The following UNC5D variants were observed in gnomAD, a reference collection of about 807,000 sequenced individuals.
UNC5D encodes unc-5 netrin receptor D.
Under a neutral mutation model 105.4 loss-of-function variants are expected in UNC5D, and 39 were observed. That is an observed-to-expected ratio of 0.37 (90% CI 0.29 to 0.48). The LOEUF is 0.48. Ranked by LOEUF, UNC5D falls within the 20% of genes least tolerant of loss-of-function variation. The pLI is 0.98. For missense variants in UNC5D, 991 were observed against 1,202.4 expected, an observed-to-expected ratio of 0.82 and a Z score of 2.60; for synonymous variants, 452 against 450.4, an observed-to-expected ratio of 1.00 and a Z score of -0.04.
Position 35,510,086 on chromosome 8 carries a change from G to A in UNC5D, c.104-39206G>A, listed in dbSNP as rs142928698. Among the ~76,000 whole-genome samples the A allele has an allele frequency of 7.6e-3, 1,155 of 152,042 alleles. 5 individuals carry two copies. Among genetic ancestry groups the A allele is most frequent in the Middle Eastern group, 0.024 (7 of 292 alleles). ...AGGCTACCAGAATCCAGTCCTTTGG[G>A]GTTTTAATGGAAACTTCATTACTAG... On this transcript the variant is annotated intron_variant, in intron 1 of 16. Transcript: ENST00000404895.
intron 1 of UNC5D, among the ~76,000 whole-genome samples, chr8:35,379,658 C>T (rs1317338623): frequency 6.6e-6 from 1 of 152,064 alleles, no homozygotes; most frequent in Non-Finnish European, 1.5e-5. Context: ...TCTCCCTGGA[C>T]TCTCTGTGGC....
intron 9 of UNC5D, among the ~76,000 whole-genome samples, chr8:35,723,467 C>T (rs1406047594): frequency 6.6e-6 from 1 of 152,170 alleles, no homozygotes; most frequent in Non-Finnish European, 1.5e-5. Context: ...TGCAGTGGTG[C>T]AATCATAGCT....
intron 2 of UNC5D, among the ~76,000 whole-genome samples, chr8:35,557,948 A>G (rs1323913289): frequency 6.6e-6 from 1 of 152,044 alleles, no homozygotes; most frequent in Admixed American, 6.6e-5. Flanking sequence ...CCTGGTCAAC[A>G]AGGTGAAACC....
At chr8:35,309,780 A>T (rs1808734659) in intron 1 of UNC5D, among the ~76,000 whole-genome samples, 1 of 152,188 alleles carries the variant, frequency 6.6e-6, no homozygotes, top group African/African-American at 2.4e-5. Flanking sequence ...TGCAGATTCC[A>T]AGGTTCTATC....
intron 1 of UNC5D, among the ~76,000 whole-genome samples, chr8:35,309,046 A>G (rs1808664883): frequency 6.6e-6 from 1 of 152,112 alleles, no homozygotes; most frequent in South Asian, 2.1e-4. Context: ...GGTGCCTTCC[A>G]GAAAAACTGT....
chr8:35,367,814 A>G (rs769846331), intron 1 of UNC5D, among the ~76,000 whole-genome samples: 10 of 152,146 alleles, frequency 6.6e-5, no homozygotes, highest in South Asian at 2.1e-4. Flanking sequence ...AAATGAGTCA[A>G]ACCAGTTAAT....
At chr8:35,276,214 G>A (rs1248041101) in intron 1 of UNC5D, among the ~76,000 whole-genome samples, 2 of 152,162 alleles carry the variant, frequency 1.3e-5, no homozygotes, top group African/African-American at 4.8e-5. Flanking sequence ...ACAGCAGTAA[G>A]CTTGCCCTCT....
intron 16 of UNC5D, among the ~76,000 whole-genome samples, chr8:35,783,022 G>C (rs1156620221): frequency 6.6e-6 from 1 of 151,820 alleles, no homozygotes; most frequent in African/African-American, 2.4e-5. Flanking sequence ...GCTCACCTGT[G>C]GTCCTAGCTA....
intron 4 of UNC5D, among the ~76,000 whole-genome samples, chr8:35,652,115 G>C (rs560554078): frequency 1.6e-4 from 25 of 152,116 alleles, no homozygotes; most frequent in Non-Finnish European, 3.7e-4. Context: ...GCGCTCACCA[G>C]CTGTGACTGA....
intron 16 of UNC5D, 64 bp from the exon 17 acceptor site, chr8:35,790,295 T>A: frequency 6.7e-7 from 1 of 1,487,436 alleles, no homozygotes; most frequent in Non-Finnish European, 9.4e-7. Flanking sequence ...CTTATGGTGA[T>A]CAGTGTTTAT....
At chr8:35,766,870 C>A in intron 14 of UNC5D, 32 bp from the exon 15 acceptor site, 1 of 1,591,888 alleles carries the variant, frequency 6.3e-7, no homozygotes, top group Admixed American at 1.7e-5. Flanking sequence ...CCAGGCTCTG[C>A]ACACCATCCC....
At chr8:35,694,666 C>T (rs1034783561) in intron 7 of UNC5D, among the ~76,000 whole-genome samples, 2 of 151,962 alleles carry the variant, frequency 1.3e-5, no homozygotes, top group Non-Finnish European at 2.9e-5. Flanking sequence ...CCATAGTAAG[C>T]ACTCTATTAT....
chr8:35,690,196 G>A (rs1826293221), intron 7 of UNC5D, among the ~76,000 whole-genome samples: 1 of 152,178 alleles, frequency 6.6e-6, no homozygotes, highest in Non-Finnish European at 1.5e-5. Flanking sequence ...GAGTTTTGAA[G>A]GAGAAAGGGT....
At chr8:35,586,329 G>A (rs1017677621) in intron 3 of UNC5D, among the ~76,000 whole-genome samples, 2 of 152,186 alleles carry the variant, frequency 1.3e-5, no homozygotes, top group East Asian at 1.9e-4. Context: ...TTTAAGCCAC[G>A]CTTGCGGGAG....
At position 35,722,241 on chromosome 8, in the gene UNC5D, C is replaced by T. The variant is rs1318913398; in HGVS notation, c.1149C>T (p.Tyr383=). Residue 383 remains tyrosine, a synonymous_variant, in exon 9 of 17, where the codon TAC becomes TAT. Coordinates refer to ENST00000404895, the MANE Select transcript of UNC5D (RefSeq NM_080872.4). ...SIENASDIAL[Y]SGLGAAVVAV... ...AGAATGCCAGCGACATTGCTTTGTA[C>T]TCGGGCTTGGGTGCTGCCGTCGTGG... The T allele has an allele frequency of 3.1e-6, 5 of 1,614,048 alleles. No individual in the cohort carries two copies. Among genetic ancestry groups the T allele is most frequent in the Non-Finnish European group, 4.2e-6 (5 of 1,179,990 alleles).
At chr8:35,404,310 A>T (rs891739587) in intron 1 of UNC5D, among the ~76,000 whole-genome samples, 8 of 152,162 alleles carry the variant, frequency 5.3e-5, no homozygotes, top group African/African-American at 1.9e-4. Flanking sequence ...GTTGAGTCAC[A>T]TATGTGAGAT....
Position 35,370,503 on chromosome 8 carries a change from G to C in UNC5D, c.103+134616G>C, listed in dbSNP as rs1417159329. Among the ~76,000 whole-genome samples, 3 of 152,114 alleles carry C rather than the reference G, an allele frequency of 2.0e-5. No individual in the cohort carries two copies. The East Asian group carries it at 5.8e-4, about 29-fold the overall frequency. On this transcript the variant is annotated intron_variant, in intron 1 of 16. Transcript: ENST00000404895. ...ATATTAAGTATTTAAAATTAAAACT[G>C]TTGTTGAGAAAATGGTAATTTTCCT... is the stretch of plus-strand genomic sequence containing the variant.
At chr8:35,400,801 C>G (rs1804410352) in intron 1 of UNC5D, among the ~76,000 whole-genome samples, 1 of 152,146 alleles carries the variant, frequency 6.6e-6, no homozygotes, top group African/African-American at 2.4e-5. Flanking sequence ...TGGTGGGGAA[C>G]AGTAAGAGAA....
chr8:35,609,026 AC>A (rs775129662), intron 4 of UNC5D, among the ~76,000 whole-genome samples: 62 of 152,254 alleles, frequency 4.1e-4, no homozygotes, highest in Non-Finnish European at 7.6e-4. Flanking sequence ...TCCCACCAAC[AC>A]TGTATAAAAG....
Sources: allele counts gnomAD v4.1 joint callset (sites outside exome capture counted in the v4.1 genomes callset), GRCh38; gene constraint gnomAD v4.1.1; transcripts MANE v1.5; gene names NCBI Gene and HGNC (gene_info 2026-07-23, HGNC 2026-07-21).